The following ADGRB3 variants were observed in gnomAD, a reference collection of about 807,000 sequenced individuals.
The protein encoded by ADGRB3 is brain-specific angiogenesis inhibitor 3.
A neutral mutation model predicts 193.4 loss-of-function variants in ADGRB3; 37 were observed. That is an observed-to-expected ratio of 0.19 (90% CI 0.15 to 0.25). ADGRB3 has a LOEUF of 0.25. Ranked by LOEUF, ADGRB3 falls within the 10% of genes least tolerant of loss-of-function variation. The pLI, the probability that ADGRB3 is intolerant of heterozygous loss-of-function variation, is 1.00. For synonymous variants in ADGRB3, 690 were observed against 644.2 expected, an observed-to-expected ratio of 1.07 and a Z score of -1.08; for missense variants, 1,637 against 1,852.9, an observed-to-expected ratio of 0.88 and a Z score of 2.14.
chr6:69,168,566 CCCA>C (rs1775189520), intron 17 of ADGRB3, among the ~76,000 whole-genome samples: 2 of 151,972 alleles, frequency 1.3e-5, no homozygotes, highest in African/African-American at 4.8e-5. Flanking sequence ...AGCATTTATC[CCCA>C]CCAGTCCAAC....
intron 17 of ADGRB3, among the ~76,000 whole-genome samples, chr6:69,172,833 A>G (rs1281365073): frequency 6.6e-6 from 1 of 152,038 alleles, no homozygotes; most frequent in African/African-American, 2.4e-5. Context: ...AGCCGATCAC[A>G]GGAAGATTTG....
intron 17 of ADGRB3, among the ~76,000 whole-genome samples, chr6:69,185,184 A>G (rs1765043198): frequency 6.6e-6 from 1 of 152,170 alleles, no homozygotes; most frequent in Admixed American, 6.6e-5. Flanking sequence ...TTTAATGAAA[A>G]TTCAAAAACC....
chr6:68,839,772 TA>T (rs1177814808), intron 3 of ADGRB3, among the ~76,000 whole-genome samples: 1 of 152,170 alleles, frequency 6.6e-6, no homozygotes, highest in African/African-American at 2.4e-5. Flanking sequence ...TACCTGGTTT[TA>T]AGTTCATATT....
chr6:69,069,112 AC>A (rs1771995846), intron 16 of ADGRB3, among the ~76,000 whole-genome samples: 1 of 152,158 alleles, frequency 6.6e-6, no homozygotes, highest in Admixed American at 6.5e-5. Context: ...TGAACATAAG[AC>A]CCAGACTTAG....
chr6:69,372,380 CT>C, intron 29 of ADGRB3, 25 bp from the exon 30 acceptor site: 1 of 1,281,600 alleles, frequency 7.8e-7, no homozygotes, highest in Non-Finnish European at 1.1e-6. Context: ...GGTTTTTCTC[CT>C]TCTTTTTAAA....
At chr6:69,190,368 T>TAACA (rs1239936817) in intron 17 of ADGRB3, among the ~76,000 whole-genome samples, 7 of 151,814 alleles carry the variant, frequency 4.6e-5, no homozygotes, top group Non-Finnish European at 8.8e-5. Context: ...TCTTAGTTTT[T>TAACA]AACAACAACA....
intron 3 of ADGRB3, among the ~76,000 whole-genome samples, chr6:68,866,185 T>TC (rs1396609464): frequency 6.6e-6 from 1 of 152,144 alleles, no homozygotes; most frequent in East Asian, 1.9e-4. Context: ...CAAACTGTAA[T>TC]CCCCACATGT....
intron 20 of ADGRB3, among the ~76,000 whole-genome samples, chr6:69,319,123 CTATT>C (rs1222938740): frequency 2.1e-4 from 32 of 151,118 alleles, no homozygotes; most frequent in South Asian, 2.1e-4. Context: ...TGTTTTCTAT[CTATT>C]TAAGTCTAAA....
In ADGRB3 at chr6:69,050,226, GA is replaced by G. The variant is rs781014943; in HGVS notation, c.2333+889del. 2.4e-3 allele frequency among the ~76,000 whole-genome samples: 365 copies of G among 150,082 alleles called. 1 individual carries two copies. Among genetic ancestry groups the G allele is most frequent in the Admixed American group, 4.0e-3 (60 of 15,078 alleles). ...AAAACAATTAGAGTTCAGTGCAGAT[GA>G]AAAAAAAATCACCCAAGGAAGCAGC... On this transcript the variant is annotated intron_variant, in intron 15 of 31. Coordinates refer to ENST00000370598, the MANE Select transcript of ADGRB3 (RefSeq NM_001704.3).
chr6:69,020,319 T>C (rs1389550958), intron 13 of ADGRB3, among the ~76,000 whole-genome samples: 11 of 152,094 alleles, frequency 7.2e-5, no homozygotes, highest in Admixed American at 7.2e-4. Context: ...GGATTTAAAC[T>C]TAAATTTGGA....
chr6:68,672,383 T>C (rs1768985516), intron 3 of ADGRB3, among the ~76,000 whole-genome samples: 1 of 152,080 alleles, frequency 6.6e-6, no homozygotes, highest in South Asian at 2.1e-4. Flanking sequence ...TTCTTCTTTT[T>C]TGATGCATGC....
At chr6:68,706,040 TCTAAA>T (rs1051834034) in intron 3 of ADGRB3, among the ~76,000 whole-genome samples, 2 of 152,148 alleles carry the variant, frequency 1.3e-5, no homozygotes, top group Non-Finnish European at 2.9e-5. Flanking sequence ...GGGCATTCTC[TCTAAA>T]CTGACAGGGT....
chr6:69,310,943 C>T (rs561549214), intron 20 of ADGRB3, among the ~76,000 whole-genome samples: 86 of 151,706 alleles, frequency 5.7e-4, no homozygotes, highest in African/African-American at 2.0e-3. Flanking sequence ...TCTGTAATTT[C>T]GGCCCAATAT....
intron 20 of ADGRB3, among the ~76,000 whole-genome samples, chr6:69,300,179 A>G (rs1308563782): frequency 6.6e-6 from 1 of 151,906 alleles, no homozygotes; most frequent in East Asian, 1.9e-4. Flanking sequence ...ACAAATTAAT[A>G]AATGTCATAC....
At position 69,015,059 on chromosome 6, in the gene ADGRB3, C is replaced by T. The variant is rs1030197434; in HGVS notation, c.1998+953C>T. On this transcript the variant is annotated intron_variant, in intron 12 of 31. Coordinates refer to ENST00000370598, the MANE Select transcript of ADGRB3 (RefSeq NM_001704.3). Reference sequence around the variant, plus strand: ...TTTAATACTTTAAATCTATTTTTTTCTACCAATTTGAGTTACATATTTGTC... The same window carrying T: ...TTTAATACTTTAAATCTATTTTTTTTTACCAATTTGAGTTACATATTTGTC... 6.6e-5 allele frequency among the ~76,000 whole-genome samples: 10 copies of T among 151,552 alleles called. No individual in the cohort carries two copies. In the Admixed American group the frequency reaches 6.6e-4, roughly 10 times the overall value.
chr6:68,816,489 TTAGTTTGG>T (rs1344091178), intron 3 of ADGRB3, among the ~76,000 whole-genome samples: 1 of 152,072 alleles, frequency 6.6e-6, no homozygotes, highest in Non-Finnish European at 1.5e-5. Flanking sequence ...CTTATTCTAA[TTAGTTTGG>T]TAGTTTGATT....
intron 17 of ADGRB3, among the ~76,000 whole-genome samples, chr6:69,099,138 A>G (rs2150320489): frequency 6.6e-6 from 1 of 152,336 alleles, no homozygotes; most frequent in Non-Finnish European, 1.5e-5. Flanking sequence ...TGGGGATGCC[A>G]CTGACATTTA....
rs577632350 is a variant in ADGRB3 at position 68,898,314 on chromosome 6, G to C, written c.758-32245G>C. Among the ~76,000 whole-genome samples, 36 of 151,980 alleles carry C rather than the reference G, an allele frequency of 2.4e-4. No homozygotes were observed. In the East Asian group the frequency reaches 6.4e-3, roughly 27 times the overall value. ...AAATCTGCTTCTCCTTCCCCTTTTTGTTTCAGCTAAGCCCTCAATGAATTG... is the reference window on the plus strand; with the variant it reads ...AAATCTGCTTCTCCTTCCCCTTTTTCTTTCAGCTAAGCCCTCAATGAATTG... On this transcript the variant is annotated intron_variant, in intron 3 of 31. Transcript: ENST00000370598.
At chr6:68,751,394 G>C (rs1766195603) in intron 3 of ADGRB3, among the ~76,000 whole-genome samples, 1 of 152,012 alleles carries the variant, frequency 6.6e-6, no homozygotes, top group Non-Finnish European at 1.5e-5. Flanking sequence ...AGTCCACACA[G>C]AGGAAAACAA....
Sources: allele counts gnomAD v4.1 joint callset (sites outside exome capture counted in the v4.1 genomes callset), GRCh38; gene constraint gnomAD v4.1.1; transcripts MANE v1.5; gene names NCBI Gene and HGNC (gene_info 2026-07-23, HGNC 2026-07-21).